The following RNLS variants were observed in gnomAD, a reference collection of about 807,000 sequenced individuals.
RNLS encodes the protein renalase.
Under a neutral mutation model 39.8 loss-of-function variants are expected in RNLS, and 39 were observed. The ratio of observed to expected loss-of-function variants is 0.98; its 90% confidence interval spans 0.76 to 1.28. The LOEUF is 1.28. Among genes scored for constraint, RNLS ranks in the 50% most tolerant of loss-of-function variants. RNLS has a pLI of 0.00. For synonymous variants in RNLS, 147 were observed against 150.7 expected (o/e 0.98, Z 0.18); for missense variants, 410 against 413.3 (o/e 0.99, Z 0.07).
At chr10:88,218,469 A>G in the RNLS span, among the ~76,000 whole-genome samples, 80 of 152,320 alleles carry the variant, frequency 5.3e-4, 1 homozygote, top group African/African-American at 1.9e-3. Context: ...GGCCCCTCCT[A>G]GGCACCAGAA....
At chr10:88,536,409 C>A (rs1171545156) in intron 4 of RNLS, among the ~76,000 whole-genome samples, 3 of 152,186 alleles carry the variant, frequency 2.0e-5, no homozygotes, top group Non-Finnish European at 4.4e-5. Context: ...AGTCTTGCCA[C>A]CTTCCCCCAC....
At chr10:88,245,073 G>A in the RNLS span, among the ~76,000 whole-genome samples, 2 of 152,074 alleles carry the variant, frequency 1.3e-5, no homozygotes, top group South Asian at 4.2e-4. Context: ...GAAAAAAAGG[G>A]GAAAAAAAGG....
At chr10:88,493,542 A>AT (rs928829439) in intron 4 of RNLS, among the ~76,000 whole-genome samples, 2 of 151,946 alleles carry the variant, frequency 1.3e-5, no homozygotes, top group African/African-American at 2.4e-5. Flanking sequence ...AAAGTTTCTC[A>AT]TTTTTTTCCT....
the RNLS span, among the ~76,000 whole-genome samples, chr10:88,173,681 T>A: frequency 6.6e-6 from 1 of 152,304 alleles, no homozygotes; most frequent in Admixed American, 6.5e-5. Flanking sequence ...TAGACTCCTT[T>A]TATGCAACAA....
the RNLS span, among the ~76,000 whole-genome samples, chr10:88,233,061 G>C: frequency 6.6e-6 from 1 of 152,184 alleles, no homozygotes; most frequent in Non-Finnish European, 1.5e-5. Flanking sequence ...AGGAGGAAGT[G>C]GAAGAACTGG....
chr10:88,482,099 C>G (rs141410572), intron 4 of RNLS, among the ~76,000 whole-genome samples: 1 of 152,180 alleles, frequency 6.6e-6, no homozygotes, highest in East Asian at 1.9e-4. Context: ...CTTTGGCTCT[C>G]AACAGTTTGA....
At chr10:88,432,783 C>T (rs72820032) in intron 4 of RNLS, among the ~76,000 whole-genome samples, 11,044 of 152,004 alleles carry the variant, frequency 0.073, 555 homozygotes, top group Admixed American at 0.14. Context: ...TATGAATGGG[C>T]TGAAACCTCA....
chr10:88,303,769 C>A (rs531698720), intron 6 of RNLS, among the ~76,000 whole-genome samples: 1 of 152,270 alleles, frequency 6.6e-6, no homozygotes, highest in South Asian at 2.1e-4. Context: ...AACAGCAGAT[C>A]TTCCCCTTCC....
At chr10:88,430,791 A>G (rs981016239) in intron 4 of RNLS, among the ~76,000 whole-genome samples, 3 of 151,762 alleles carry the variant, frequency 2.0e-5, no homozygotes, top group African/African-American at 7.2e-5. Context: ...GGTGAGTTAA[A>G]TTAAATTTTG....
Position 88,430,173 on chromosome 10 carries a change from T to G in RNLS, c.527-67448A>C, listed in dbSNP as rs571130534. Among the ~76,000 whole-genome samples, 3 of 152,012 alleles carry G rather than the reference T, an allele frequency of 2.0e-5. No individual in the cohort carries two copies. The South Asian group carries it at 6.2e-4, about 32-fold the overall frequency. The stretch of plus-strand genomic sequence containing the variant: ...CATTTACTTAGGTCTTCTGTATGTC[T>G]TTCAGTAATGTTTTATAGTTTTCCA... On this transcript the variant is annotated intron_variant, in intron 4 of 6. Transcript: ENST00000331772.
chr10:88,357,529 T>C (rs1404732565), intron 5 of RNLS, among the ~76,000 whole-genome samples: 3 of 152,266 alleles, frequency 2.0e-5, no homozygotes, highest in Non-Finnish European at 4.4e-5. Context: ...GATTCTCACT[T>C]GTGTTGAAAC....
chr10:88,473,027 A>T (rs913527041), intron 4 of RNLS, among the ~76,000 whole-genome samples: 3 of 152,230 alleles, frequency 2.0e-5, no homozygotes, highest in Non-Finnish European at 2.9e-5. Flanking sequence ...CTTGATGAAC[A>T]GTCTACTACA....
chr10:88,294,624 A>G (rs1021779955), intron 6 of RNLS, among the ~76,000 whole-genome samples: 2 of 152,140 alleles, frequency 1.3e-5, no homozygotes, highest in Non-Finnish European at 2.9e-5. Context: ...CAACTAACCA[A>G]AATGCAATTT....
chr10:88,579,985 C>G (rs1483798909), intron 3 of RNLS, among the ~76,000 whole-genome samples: 1 of 152,186 alleles, frequency 6.6e-6, no homozygotes, highest in Non-Finnish European at 1.5e-5. Flanking sequence ...TTCTTCCTGC[C>G]TGAAAGCCTT....
intron 4 of RNLS, among the ~76,000 whole-genome samples, chr10:88,474,674 CCT>C (rs1843709153): frequency 6.6e-6 from 1 of 152,076 alleles, no homozygotes; most frequent in South Asian, 2.1e-4. Flanking sequence ...CTGTTCCAGC[CCT>C]GTCAATAGTG....
intron 4 of RNLS, among the ~76,000 whole-genome samples, chr10:88,460,833 AC>A (rs1842900947): frequency 6.6e-6 from 1 of 152,114 alleles, no homozygotes; most frequent in South Asian, 2.1e-4. Flanking sequence ...GTATCATGTT[AC>A]ACTGAACTTC....
the RNLS span, among the ~76,000 whole-genome samples, chr10:88,203,320 A>G: frequency 0.025 from 140 of 5,662 alleles, 39 homozygotes; most frequent in African/African-American, 0.11. Context: ...ATACGTATGT[A>G]TATATATATA....
the RNLS span, among the ~76,000 whole-genome samples, chr10:88,262,604 A>G: frequency 6.6e-4 from 100 of 152,314 alleles, no homozygotes; most frequent in African/African-American, 2.4e-3. Flanking sequence ...GATAATGACT[A>G]AAGAAGTATA....
At chr10:88,257,894 T>C in the RNLS span, among the ~76,000 whole-genome samples, 3 of 152,170 alleles carry the variant, frequency 2.0e-5, no homozygotes, top group African/African-American at 7.2e-5. Flanking sequence ...GGAAGCGCAT[T>C]AACATTAGAA....
Sources: allele counts gnomAD v4.1 joint callset (sites outside exome capture counted in the v4.1 genomes callset), GRCh38; gene constraint gnomAD v4.1.1; transcripts MANE v1.5; gene names NCBI Gene and HGNC (gene_info 2026-07-23, HGNC 2026-07-21).